KIAA1217: variants seen among roughly 807,000 people sequenced by gnomAD.
KIAA1217 encodes KIAA1217, also known as sickle tail protein homolog.
In KIAA1217, 88 loss-of-function variants were observed where a neutral mutation model predicts 163.9. That is an observed-to-expected ratio of 0.54 (90% confidence interval 0.45 to 0.64). The LOEUF is 0.64. KIAA1217 is among the 30% of genes least tolerant of loss of function. KIAA1217 has a pLI of 0.00. For synonymous variants in KIAA1217, 903 were observed against 923.1 expected, an observed-to-expected ratio of 0.98 and a Z score of 0.39; for missense variants, 2,372 against 2,475.0, an observed-to-expected ratio of 0.96 and a Z score of 0.88.
chr10:23,921,621 G>A (rs1376894407), intron 1 of KIAA1217, among the ~76,000 whole-genome samples: 2 of 152,140 alleles, frequency 1.3e-5, no homozygotes, highest in Non-Finnish European at 2.9e-5. Flanking sequence ...GATACTTTGA[G>A]CTGGGGGCTG....
chr10:24,432,575 C>G (rs969251887), intron 3 of KIAA1217, among the ~76,000 whole-genome samples: 2 of 152,008 alleles, frequency 1.3e-5, no homozygotes, highest in Admixed American at 1.3e-4. Context: ...CCCACCACAG[C>G]CTCCTGAGTA....
chr10:24,144,802 CT>C (rs1191411848), intron 2 of KIAA1217, among the ~76,000 whole-genome samples: 2 of 152,150 alleles, frequency 1.3e-5, no homozygotes, highest in African/African-American at 4.8e-5. Context: ...TTAAGTCCCC[CT>C]AGCCTGCCTT....
intron 2 of KIAA1217, among the ~76,000 whole-genome samples, chr10:24,043,494 AGTTTT>A (rs1175621479): frequency 6.6e-6 from 1 of 152,090 alleles, no homozygotes; most frequent in African/African-American, 2.4e-5. Flanking sequence ...GTTTTCCCTT[AGTTTT>A]ATTATTATTG....
At position 24,547,287 on chromosome 10, in the gene KIAA1217, C is replaced by T. The variant is rs1470725740; in HGVS notation, c.*963C>T. The T allele has an allele frequency of 6.6e-6, 1 of 152,452 alleles. No individual in the cohort carries two copies. The highest frequency in any genetic ancestry group is 1.5e-5 in the Non-Finnish European group (1 of 68,028). The allele number at this position is 152,452 out of a possible 1,614,324, so 9.4% of individuals were successfully genotyped here. A position where few individuals can be genotyped will look rare whatever the true frequency, so the allele number is the denominator to read the frequency against. ...CAGCACATAGAGTAGTTTTCCCACA[C>T]CAAAGTTAATTTTTATGCATGCTTT... On this transcript the variant is annotated 3_prime_UTR_variant, in exon 21 of 21. Transcript: ENST00000376454.
intron 1 of KIAA1217, among the ~76,000 whole-genome samples, chr10:23,833,522 G>A (rs1266770112): frequency 6.7e-6 from 1 of 150,288 alleles, no homozygotes; most frequent in African/African-American, 2.4e-5. Context: ...TCTTTCCTTA[G>A]CATTTTGATG....
intron 1 of KIAA1217, among the ~76,000 whole-genome samples, chr10:23,966,846 A>G (rs150785511): frequency 2.0e-5 from 3 of 152,200 alleles, no homozygotes; most frequent in Non-Finnish European, 4.4e-5. Flanking sequence ...GATTCAAATG[A>G]ATATTATTCA....
chr10:24,339,749 C>A (rs969781268), intron 2 of KIAA1217, among the ~76,000 whole-genome samples: 2 of 152,186 alleles, frequency 1.3e-5, no homozygotes, highest in Non-Finnish European at 2.9e-5. Flanking sequence ...GCACCCAGGT[C>A]TCTCTGAGAC....
At chr10:23,722,138 A>G (rs115556221) in intron 1 of KIAA1217, among the ~76,000 whole-genome samples, 204 of 152,330 alleles carry the variant, frequency 1.3e-3, no homozygotes, top group African/African-American at 4.8e-3. Context: ...TACTTAGAGT[A>G]GTCAAAGTCA....
chr10:24,001,167 C>A (rs1846726954), intron 1 of KIAA1217, among the ~76,000 whole-genome samples: 1 of 152,134 alleles, frequency 6.6e-6, no homozygotes, highest in African/African-American at 2.4e-5. Flanking sequence ...ACTAATATGG[C>A]TCATCTTACA....
chr10:23,895,664 A>C (rs924592168), intron 1 of KIAA1217, among the ~76,000 whole-genome samples: 3 of 152,136 alleles, frequency 2.0e-5, no homozygotes, highest in African/African-American at 7.2e-5. Context: ...AGGACTGTAA[A>C]TTATGCTGCT....
Position 24,250,970 on chromosome 10 carries a change from T to C in KIAA1217, c.354+31061T>C, listed in dbSNP as rs11013994. On this transcript the variant is annotated intron_variant, in intron 2 of 20. Coordinates refer to ENST00000376454, the MANE Select transcript of KIAA1217 (RefSeq NM_019590.5). ...GGCCAGGTGCTATGGCTCACACCTG[T>C]AATCACAGCACTTTGGGAGGCTGAG... 7.9e-3 allele frequency among the ~76,000 whole-genome samples: 1,192 copies of C among 151,798 alleles called. 27 individuals carry two copies. In the East Asian group the frequency reaches 0.098, roughly 12 times the overall value.
intron 2 of KIAA1217, among the ~76,000 whole-genome samples, chr10:24,264,963 A>C (rs2076096006): frequency 6.6e-6 from 1 of 151,718 alleles, no homozygotes; most frequent in Non-Finnish European, 1.5e-5. Flanking sequence ...TGATCCTCCC[A>C]CCTCAACCTC....
At chr10:23,920,628 C>T (rs117341156) in intron 1 of KIAA1217, among the ~76,000 whole-genome samples, 2,966 of 152,270 alleles carry the variant, frequency 0.019, 63 homozygotes, top group Admixed American at 0.063. Flanking sequence ...TCCCCTCTGC[C>T]ACACTCTGAG....
chr10:24,432,940 CTG>C, intron 3 of KIAA1217, 53 bp from the exon 4 acceptor site: 1 of 1,428,354 alleles, frequency 7.0e-7, no homozygotes, highest in South Asian at 1.2e-5. Context: ...TCAGCTTGTG[CTG>C]TGTGTCCCCT....
At chr10:24,511,368 C>A (rs948895196) in intron 9 of KIAA1217, among the ~76,000 whole-genome samples, 3 of 151,930 alleles carry the variant, frequency 2.0e-5, no homozygotes, top group African/African-American at 7.3e-5. Flanking sequence ...TTTGGCTGGG[C>A]ACGGTGGCTC....
intron 2 of KIAA1217, among the ~76,000 whole-genome samples, chr10:24,197,446 A>G (rs2067042218): frequency 6.6e-6 from 1 of 152,242 alleles, no homozygotes; most frequent in African/African-American, 2.4e-5. Context: ...GAAACCTATT[A>G]GAGCAGTGAA....
chr10:23,754,523 G>A (rs1307418367), intron 1 of KIAA1217, among the ~76,000 whole-genome samples: 1 of 152,170 alleles, frequency 6.6e-6, no homozygotes, highest in Non-Finnish European at 1.5e-5. Flanking sequence ...GATCTTTGAC[G>A]AATATTGTTG....
chr10:24,501,678 A>G (rs2067605913), intron 9 of KIAA1217, 133 bp downstream of exon 9: 1 of 619,182 alleles, frequency 1.6e-6, no homozygotes, highest in Admixed American at 2.9e-5. Flanking sequence ...TCACACACAC[A>G]ATCCAAGTCT....
intron 2 of KIAA1217, among the ~76,000 whole-genome samples, chr10:24,012,964 C>T (rs1847304434): frequency 6.6e-6 from 1 of 152,102 alleles, no homozygotes. Context: ...TCTGTATCTG[C>T]AAATTCTAAT....
Sources: allele counts gnomAD v4.1 joint callset (sites outside exome capture counted in the v4.1 genomes callset), GRCh38; gene constraint gnomAD v4.1.1; transcripts MANE v1.5; gene names NCBI Gene and HGNC (gene_info 2026-07-23, HGNC 2026-07-21).